NRXN3: variants seen among roughly 807,000 people sequenced by gnomAD.
The protein encoded by NRXN3 is neurexin III.
A neutral mutation model predicts 137.6 loss-of-function variants in NRXN3; 32 were observed. The observed-to-expected ratio is 0.23, with a 90% CI of 0.18 to 0.31. The LOEUF (loss-of-function observed/expected upper bound fraction) is 0.31. NRXN3 is among the 10% of genes least tolerant of loss of function. The pLI is 1.00. For missense variants in NRXN3, 1,574 were observed against 2,062.5 expected (o/e 0.76, Z 4.59); for synonymous variants, 798 against 784.5 (o/e 1.02, Z -0.29).
At chr14:79,474,067 C>A (rs1052391614) in intron 16 of NRXN3, among the ~76,000 whole-genome samples, 1 of 152,146 alleles carries the variant, frequency 6.6e-6, no homozygotes, top group African/African-American at 2.4e-5. Context: ...TGAGAGGCAG[C>A]AAGCCATAGT....
intron 4 of NRXN3, among the ~76,000 whole-genome samples, chr14:78,469,210 T>A (rs1052974739): frequency 1.3e-5 from 2 of 152,198 alleles, no homozygotes; most frequent in Admixed American, 6.5e-5. Context: ...AAATCTAATG[T>A]ATGGCAAAAT....
At chr14:78,450,866 G>A (rs1038885583) in intron 4 of NRXN3, among the ~76,000 whole-genome samples, 1 of 152,152 alleles carries the variant, frequency 6.6e-6, no homozygotes, top group Admixed American at 6.6e-5. Flanking sequence ...AGCCACACAG[G>A]GGCTCAGCTG....
intron 4 of NRXN3, among the ~76,000 whole-genome samples, chr14:78,533,642 C>T (rs766245492): frequency 1.3e-5 from 2 of 152,178 alleles, no homozygotes; most frequent in Non-Finnish European, 2.9e-5. Context: ...TTTGTGGGAG[C>T]CTTCCCCTTT....
intron 15 of NRXN3, among the ~76,000 whole-genome samples, chr14:79,433,145 G>C (rs2095791222): frequency 6.6e-6 from 1 of 152,210 alleles, no homozygotes; most frequent in African/African-American, 2.4e-5. Flanking sequence ...AAGAATGTCT[G>C]CAGAAAGAAA....
intron 19 of NRXN3, among the ~76,000 whole-genome samples, chr14:79,766,729 TTGAG>T (rs1437359038): frequency 6.6e-5 from 10 of 152,326 alleles, no homozygotes; most frequent in Admixed American, 4.6e-4. Context: ...CAAACATTTC[TTGAG>T]TATTTACCAT....
chr14:79,112,992 A>G (rs916128577), intron 15 of NRXN3, among the ~76,000 whole-genome samples: 2 of 152,206 alleles, frequency 1.3e-5, no homozygotes, highest in East Asian at 3.9e-4. Flanking sequence ...GGAGTGATAC[A>G]TGAGTTGTTC....
intron 15 of NRXN3, among the ~76,000 whole-genome samples, chr14:79,349,851 A>T (rs527926239): frequency 1.6e-4 from 24 of 152,260 alleles, no homozygotes; most frequent in African/African-American, 5.1e-4. Context: ...CAGGGAGAAG[A>T]TGCCATAGGC....
At chr14:78,650,403 TC>T (rs1275568372) in intron 5 of NRXN3, among the ~76,000 whole-genome samples, 10 of 152,184 alleles carry the variant, frequency 6.6e-5, no homozygotes, top group Admixed American at 5.9e-4. Context: ...GGGTGCTATT[TC>T]TTTTCTGTGG....
chr14:79,259,268 C>T (rs2153401084), intron 15 of NRXN3, among the ~76,000 whole-genome samples: 1 of 152,236 alleles, frequency 6.6e-6, no homozygotes, highest in African/African-American at 2.4e-5. Flanking sequence ...AAGTAGACTT[C>T]CTTATCTGCT....
chr14:79,501,608 CCAAAGT>C (rs1872919878), intron 16 of NRXN3, among the ~76,000 whole-genome samples: 1 of 152,096 alleles, frequency 6.6e-6, no homozygotes, highest in Non-Finnish European at 1.5e-5. Context: ...GAGGGACTTG[CCAAAGT>C]CAAATAGTCA....
At chr14:79,837,028 G>A (rs1485383409) in intron 20 of NRXN3, among the ~76,000 whole-genome samples, 1 of 152,038 alleles carries the variant, frequency 6.6e-6, no homozygotes, top group African/African-American at 2.4e-5. Flanking sequence ...ATTATTCCAG[G>A]ATCTTGTCAT....
At chr14:79,614,607 G>A (rs2153882600) in intron 16 of NRXN3, among the ~76,000 whole-genome samples, 1 of 152,198 alleles carries the variant, frequency 6.6e-6, no homozygotes, top group South Asian at 2.1e-4. Context: ...TATCAGTCCT[G>A]TCACATCTTG....
chr14:79,527,272 C>T (rs1325440834), intron 16 of NRXN3, among the ~76,000 whole-genome samples: 11 of 118,378 alleles, frequency 9.3e-5, no homozygotes, highest in South Asian at 8.5e-4. Flanking sequence ...CCAGCCTGGG[C>T]GACAGAGTGA....
intron 3 of NRXN3, among the ~76,000 whole-genome samples, chr14:78,285,850 G>A (rs77424828): frequency 4.9e-4 from 74 of 152,300 alleles, no homozygotes; most frequent in Non-Finnish European, 9.1e-4. Flanking sequence ...CCTCCATTGC[G>A]TGTAATTAGA....
At chr14:78,513,518 G>A (rs958106481) in intron 4 of NRXN3, among the ~76,000 whole-genome samples, 10 of 152,038 alleles carry the variant, frequency 6.6e-5, no homozygotes, top group African/African-American at 2.4e-4. Context: ...TGTCATCTAG[G>A]CAATCTCATT....
intron 8 of NRXN3, among the ~76,000 whole-genome samples, chr14:78,748,163 A>G (rs2152943709): frequency 6.6e-6 from 1 of 152,250 alleles, no homozygotes; most frequent in Non-Finnish European, 1.5e-5. Flanking sequence ...GGGGATATAT[A>G]ACTGAATCAG....
chr14:79,322,060 C>G (rs150363036), intron 15 of NRXN3, among the ~76,000 whole-genome samples: 1 of 151,808 alleles, frequency 6.6e-6, no homozygotes, highest in Non-Finnish European at 1.5e-5. Context: ...ACAGCAAGAT[C>G]CCATCTTAAA....
rs1056185757 is a variant in NRXN3, at chr14:78,243,374, C to T, written c.281C>T (p.Ala94Val). Residue 94 changes from alanine to valine, a missense_variant, in exon 2 of 21, where the codon GCC becomes GTC. Physicochemically the swap from Ala to Val is moderately conservative, Grantham distance 64 (BLOSUM62 0). Coordinates refer to ENST00000335750, the MANE Select transcript of NRXN3 (RefSeq NM_001330195.2). The surrounding 1 kb of genome is among the most constrained non-coding windows in gnomAD (Gnocchi z 4.2). ...RVQLRFSMDC[A>V]ETAVLSNKQV... The stretch of plus-strand genomic sequence containing the variant: ...CAGCTCCGCTTCAGCATGGACTGTG[C>T]CGAGACTGCCGTGCTGTCCAACAAG... 5.8e-6 allele frequency: 9 copies of T among 1,563,476 alleles called. No individual in the cohort carries two copies. Among genetic ancestry groups the T allele is most frequent in the Admixed American group, 1.8e-5 (1 of 54,668 alleles).
intron 15 of NRXN3, among the ~76,000 whole-genome samples, chr14:79,413,800 C>A (rs536558510): frequency 5.1e-5 from 7 of 137,406 alleles, no homozygotes; most frequent in African/African-American, 1.9e-4. Flanking sequence ...AGAACTGGGA[C>A]TTTCTAATCT....
Sources: allele counts gnomAD v4.1 joint callset (sites outside exome capture counted in the v4.1 genomes callset), GRCh38; gene constraint gnomAD v4.1.1; non-coding constraint Gnocchi (gnomAD v3.1); transcripts MANE v1.5; gene names NCBI Gene and HGNC (gene_info 2026-07-23, HGNC 2026-07-21).